DNAH10: variants seen among roughly 807,000 people sequenced by gnomAD.
The protein encoded by DNAH10 is axonemal beta dynein heavy chain 10.
A neutral mutation model predicts 506.6 loss-of-function variants in DNAH10; 348 were observed. That is an observed-to-expected ratio of 0.69 (90% CI 0.63 to 0.75). DNAH10 has a LOEUF of 0.75. Among genes scored for constraint, DNAH10 ranks in the 30% least tolerant of loss-of-function variants. The pLI is 0.00. For synonymous variants in DNAH10, 2,059 were observed against 2,198.6 expected (o/e 0.94, Z 1.78); for missense variants, 5,179 against 5,787.1 (o/e 0.89, Z 3.41).
In DNAH10 at chr12:123,925,188, G is replaced by T. The variant is rs762338634; in HGVS notation, c.11905G>T (p.Val3969Leu). The T allele has an allele frequency of 5.0e-6, 8 of 1,613,862 alleles. No individual in the cohort carries two copies. In the Admixed American group the frequency reaches 6.7e-5, roughly 13 times the overall value. Residue 3969 changes from valine to leucine, a missense_variant, in exon 68 of 79, where the codon GTA becomes TTA. Val to Leu is a conservative substitution (Grantham distance 32). Transcript: ENST00000673944. This position sits in a 1 kb window ranked among gnomAD's most constrained non-coding sequence, Gnocchi z 4.0. ...VYRAVTDYVTVTMGEKYVQPP... is the reference protein window; with the variant it reads ...VYRAVTDYVTLTMGEKYVQPP... The stretch of plus-strand genomic sequence containing the variant: ...TCGGGCCGTGACTGACTATGTGACT[G>T]TAACAATGGGAGAGAAGTAAGTGTG...
At chr12:123,814,950 C>G (rs931049285) in intron 21 of DNAH10, among the ~76,000 whole-genome samples, 1 of 152,142 alleles carries the variant, frequency 6.6e-6, no homozygotes, top group Admixed American at 6.6e-5. Context: ...CTTTGCTTCC[C>G]TGGTTTACGT....
At chr12:123,841,928 CT>C (rs1950789698) in intron 30 of DNAH10, among the ~76,000 whole-genome samples, 1 of 152,224 alleles carries the variant, frequency 6.6e-6, no homozygotes, top group South Asian at 2.1e-4. Flanking sequence ...TCAAGTGATC[CT>C]CCCACCTTGG....
intron 72 of DNAH10, 54 bp from the exon 73 acceptor site, chr12:123,930,348 G>T: frequency 6.9e-7 from 1 of 1,440,386 alleles, no homozygotes; most frequent in Non-Finnish European, 9.1e-7. Flanking sequence ...GGCCCCCAGG[G>T]TGCACACAGT....
intron 36 of DNAH10, among the ~76,000 whole-genome samples, chr12:123,854,234 T>C (rs544332248): frequency 6.6e-6 from 1 of 152,268 alleles, no homozygotes. Flanking sequence ...ACTTCTTTCA[T>C]TTTCTCCCCT....
intron 1 of DNAH10, among the ~76,000 whole-genome samples, chr12:123,764,158 G>T (rs568397006): frequency 5.3e-5 from 8 of 152,180 alleles, no homozygotes; most frequent in African/African-American, 1.2e-4. Context: ...GAACCATCGC[G>T]CTTGGCCACC....
At position 123,929,971 on chromosome 12, in the gene DNAH10, C is replaced by T; in HGVS notation, c.12612+212C>T. The T allele has an allele frequency of 4.9e-6, 3 of 606,696 alleles. No homozygotes were observed. In the South Asian group the frequency reaches 6.0e-5, roughly 12 times the overall value. 37.6% of individuals were successfully genotyped at this position (606,696 alleles called of 1,614,324 possible). On this transcript the variant is annotated intron_variant, in intron 72 of 78. Transcript: ENST00000673944. ...GAGGTTCCCTGAGCTGGATCCATGG[C>T]TGGGGATCCAGGCAAGGCATCCTCT...
Position 123,767,732 on chromosome 12 carries a change from G to T in DNAH10, c.298+43G>T, listed in dbSNP as rs764233908. On this transcript the variant is annotated intron_variant, in intron 2 of 78. Coordinates refer to ENST00000673944, the MANE Select transcript of DNAH10 (RefSeq NM_001372106.1). ...GTCATGGGAGGGTGGAACTGAGAAA[G>T]CCCCCCCGCAGCGGGAGTAGGGTGC... The T allele has an allele frequency of 1.9e-6, 3 of 1,552,082 alleles. No individual in the cohort carries two copies. The East Asian group carries it at 6.9e-5, about 36-fold the overall frequency.
chr12:123,829,063 G>A (rs1005773124), intron 25 of DNAH10, among the ~76,000 whole-genome samples: 2 of 152,158 alleles, frequency 1.3e-5, no homozygotes, highest in African/African-American at 2.4e-5. Context: ...TGGGTTTTGC[G>A]AAACAGATTT....
intron 34 of DNAH10, 77 bp downstream of exon 34, chr12:123,848,959 T>G: frequency 6.4e-7 from 1 of 1,552,510 alleles, no homozygotes; most frequent in Admixed American, 1.9e-5. Context: ...CTCTGTAGCG[T>G]CAGTTTCTGG....
Position 123,804,927 on chromosome 12 carries a change from C to A in DNAH10, c.2874C>A (p.Thr958=), listed in dbSNP as rs778682777. The stretch of plus-strand genomic sequence containing the variant: ...ATCTTGCCATTGGACCACTGCTGAC[C>A]AAAGTTGAGGGCCTGGTCGTCCACA... ...RWYLAIGPLL[T]KVEGLVVHTN... is the part of the protein sequence containing the mutation. Residue 958 remains threonine, a synonymous_variant, in exon 18 of 79, where the codon ACC becomes ACA. Transcript: ENST00000673944. The A allele has an allele frequency of 3.8e-5, 61 of 1,614,016 alleles. No homozygotes were observed. The highest frequency in any genetic ancestry group is 5.0e-5 in the Non-Finnish European group (59 of 1,180,056).
rs753883804 is a variant in DNAH10 at position 123,914,515 on chromosome 12, G to A, written c.10539G>A (p.Leu3513=). 6.2e-7 allele frequency: 1 copy of A among 1,613,598 alleles called. No individual in the cohort carries two copies. Among genetic ancestry groups the A allele is most frequent in the Admixed American group, 1.7e-5 (1 of 60,024 alleles). Residue 3513 remains leucine, a synonymous_variant, in exon 61 of 79, where the codon CTG becomes CTA. Transcript: ENST00000673944. Reference sequence around the variant, plus strand: ...TCCCCCTGAGCCAGCCTTTCCGGCTGGAAAGCCTGCTCACGGATGATGTTG... The same window carrying A: ...TCCCCCTGAGCCAGCCTTTCCGGCTAGAAAGCCTGCTCACGGATGATGTTG... ...REIPLSQPFR[L]ESLLTDDVEI...
At chr12:123,908,157 TCC>T (rs1443279363) in intron 57 of DNAH10, among the ~76,000 whole-genome samples, 3 of 150,298 alleles carry the variant, frequency 2.0e-5, no homozygotes, top group Admixed American at 1.3e-4. Flanking sequence ...CCTCCCTGTC[TCC>T]CTGTCTCCTC....
At position 123,902,983 on chromosome 12, in the gene DNAH10, G is replaced by C; in HGVS notation, c.9685G>C (p.Glu3229Gln). The C allele has an allele frequency of 1.3e-6, 2 of 1,595,336 alleles. No individual in the cohort carries two copies. Among genetic ancestry groups the C allele is most frequent in the Non-Finnish European group, 1.7e-6 (2 of 1,171,294 alleles). Residue 3229 changes from glutamate (E) to glutamine (Q), a missense_variant, in exon 57 of 79, where the codon GAG becomes CAG. Transcript: ENST00000673944. The surrounding 1 kb of genome is among the most constrained non-coding windows in gnomAD (Gnocchi z 4.5). The part of the protein sequence containing the change: ...KLAEEKAMEI[E>Q]EQNKVIAMEK... ...GGCAGAGGAAAAGGCCATGGAGATAGAGGAGCAGAACAAAGTCATTGCCAT... is the reference window on the plus strand; with the variant it reads ...GGCAGAGGAAAAGGCCATGGAGATACAGGAGCAGAACAAAGTCATTGCCAT...
chr12:123,820,967 A>C (rs1396698682), intron 24 of DNAH10, among the ~76,000 whole-genome samples: 2 of 152,196 alleles, frequency 1.3e-5, no homozygotes, highest in Non-Finnish European at 2.9e-5. Flanking sequence ...TTCTGGAAAT[A>C]GGCTGGGTGC....
rs1565973205 is a variant in DNAH10 at position 123,838,639 on chromosome 12, A to G, written c.5086A>G (p.Ser1696Gly). Residue 1696 changes from serine (S) to glycine (G), a missense_variant, in exon 29 of 79, where the codon AGC becomes GGC. Ser to Gly is a moderately conservative substitution (Grantham distance 56). Coordinates refer to ENST00000673944, the MANE Select transcript of DNAH10 (RefSeq NM_001372106.1). Reference sequence around the variant, plus strand: ...CTTCATTTCTGACGATGAGTTGCTTAGCATTCTGGGGAGCAGCGACCCACT... The same window carrying G: ...CTTCATTTCTGACGATGAGTTGCTTGGCATTCTGGGGAGCAGCGACCCACT... ...FFFISDDELLSILGSSDPLCV... is the reference protein window; with the variant it reads ...FFFISDDELLGILGSSDPLCV... 6.2e-7 allele frequency: 1 copy of G among 1,614,018 alleles called. No homozygotes were observed.
chr12:123,892,368 G>A (rs1953024209), intron 52 of DNAH10, among the ~76,000 whole-genome samples: 2 of 152,100 alleles, frequency 1.3e-5, no homozygotes, highest in African/African-American at 2.4e-5. Flanking sequence ...CAGATCTCAC[G>A]AGAACTCACT....
chr12:123,878,004 G>C lies in DNAH10; in HGVS notation c.8372+96G>C, dbSNP rs146883190. The stretch of plus-strand genomic sequence containing the variant: ...GGCTTATCAGTGGATTTGATGAATC[G>C]TTGTATGAATTAATTACCCAATGTC... On this transcript the variant is annotated intron_variant, in intron 48 of 78. Transcript: ENST00000673944. The C allele has an allele frequency of 4.9e-6, 7 of 1,417,094 alleles. No homozygotes were observed. The South Asian group carries it at 9.6e-5, about 19-fold the overall frequency. 87.8% of individuals were successfully genotyped at this position (1,417,094 alleles called of 1,614,324 possible).
At position 123,833,044 on chromosome 12, in the gene DNAH10, G is replaced by C. The variant is rs146244374; in HGVS notation, c.4546-70G>C. On this transcript the variant is annotated intron_variant, in intron 26 of 78. Transcript: ENST00000673944. ...GTTGGCCAAAAGCAAGCTAAGGAAG[G>C]TGTTTTTGGGTTGGGGCTCGGTCCT... is the stretch of plus-strand genomic sequence containing the variant. 28 of 1,156,494 alleles carry C rather than the reference G, an allele frequency of 2.4e-5. No homozygotes were observed. In the African/African-American group the frequency reaches 2.9e-4, roughly 12 times the overall value. The allele number at this position is 1,156,494 out of a possible 1,614,324, so 71.6% of individuals were successfully genotyped here. A position where few individuals can be genotyped will look rare whatever the true frequency, so the allele number is the denominator to read the frequency against.
intron 2 of DNAH10, among the ~76,000 whole-genome samples, chr12:123,769,375 C>T (rs2135965812): frequency 6.6e-6 from 1 of 152,026 alleles, no homozygotes; most frequent in South Asian, 2.1e-4. Context: ...CGGGGTTTCA[C>T]CATGTTGGCC....
Sources: gnomAD v4.1 joint callset for allele counts (sites outside exome capture counted in the v4.1 genomes callset) on GRCh38, gnomAD v4.1.1 for gene constraint, Gnocchi (gnomAD v3.1) non-coding constraint, MANE v1.5 for transcripts, NCBI Gene and HGNC (gene_info 2026-07-23, HGNC 2026-07-21) for gene names.